FGF14: variants seen among roughly 807,000 people sequenced by gnomAD.
FGF14 encodes fibroblast growth factor homologous factor 4.
A neutral mutation model predicts 25.5 loss-of-function variants in FGF14; 5 were observed. That is an observed-to-expected ratio of 0.20 (90% CI 0.10 to 0.41). The LOEUF (loss-of-function observed/expected upper bound fraction) is 0.41. Ranked by LOEUF, FGF14 falls within the 10% of genes least tolerant of loss-of-function variation. FGF14 has a pLI of 1.00. For synonymous variants in FGF14, 138 were observed against 118.3 expected, an observed-to-expected ratio of 1.17 and a Z score of -1.08; for missense variants, 222 against 320.1, an observed-to-expected ratio of 0.69 and a Z score of 2.34.
intron 1 of FGF14, among the ~76,000 whole-genome samples, chr13:101,999,395 A>G (rs994466614): frequency 2.6e-5 from 4 of 152,128 alleles, no homozygotes; most frequent in African/African-American, 4.8e-5. Context: ...TCTGCTTTTC[A>G]TAGTCTCTTT....
intron 1 of FGF14, among the ~76,000 whole-genome samples, chr13:102,281,124 A>G: frequency 6.6e-6 from 1 of 152,202 alleles, no homozygotes; most frequent in East Asian, 1.9e-4. Flanking sequence ...GCCAAACATA[A>G]AATAATTTTA....
Position 101,874,706 on chromosome 13 carries a change from G to GT in FGF14, c.304+479dup, listed in dbSNP as rs1384837253. On this transcript the variant is annotated intron_variant, in intron 2 of 4. Transcript: ENST00000376143. ...CCTTTATGTTTTTTTCTATAAGAAA[G>GT]TTTTTTTTGTTAAATGCAAAGAATT... is the stretch of plus-strand genomic sequence containing the variant. Among the ~76,000 whole-genome samples, 56 of 151,812 alleles carry GT rather than the reference G, an allele frequency of 3.7e-4. No individual in the cohort carries two copies. The East Asian group carries it at 5.4e-3, about 15-fold the overall frequency.
At chr13:102,114,184 C>A (rs1312387064) in intron 1 of FGF14, among the ~76,000 whole-genome samples, 1 of 152,226 alleles carries the variant, frequency 6.6e-6, no homozygotes, top group African/African-American at 2.4e-5. Context: ...GGGCATTTTA[C>A]ATATACCTAT....
At chr13:101,885,000 G>C (rs1365637080) in intron 1 of FGF14, among the ~76,000 whole-genome samples, 1 of 152,096 alleles carries the variant, frequency 6.6e-6, no homozygotes, top group Non-Finnish European at 1.5e-5. Flanking sequence ...AGGAGAAAAG[G>C]AAACAGTTTC....
chr13:101,959,832 C>G (rs1329769414), intron 1 of FGF14, among the ~76,000 whole-genome samples: 1 of 152,300 alleles, frequency 6.6e-6, no homozygotes, highest in East Asian at 1.9e-4. Flanking sequence ...TTCATCCATC[C>G]TCTCCTTTCT....
intron 3 of FGF14, among the ~76,000 whole-genome samples, chr13:101,814,828 G>T (rs2041756917): frequency 6.6e-6 from 1 of 152,042 alleles, no homozygotes; most frequent in Non-Finnish European, 1.5e-5. Flanking sequence ...CCAGTGTTGG[G>T]CTTACTATGA....
rs35937411 is a variant in FGF14 at position 102,276,332 on chromosome 13, C to CGTGT, written c.208+125135_208+125138dup. Among the ~76,000 whole-genome samples the CGTGT allele has an allele frequency of 6.2e-3, 668 of 108,384 alleles. 7 individuals carry two copies. Among genetic ancestry groups the CGTGT allele is most frequent in the African/African-American group, 0.023 (613 of 27,104 alleles). 71.1% of individuals were successfully genotyped at this position (108,384 alleles called of 152,430 possible). On this transcript the variant is annotated intron_variant, in intron 1 of 4. Transcript: ENST00000376131. Reference sequence around the variant, plus strand: ...ACACACACACACACACACACACGTACGTGTGTGTGTGTGTGTGTGTGTATA... The same window carrying CGTGT: ...ACACACACACACACACACACACGTACGTGTGTGTGTGTGTGTGTGTGTGTGTATA...
At chr13:102,090,530 C>T (rs2044118303) in intron 1 of FGF14, among the ~76,000 whole-genome samples, 1 of 152,134 alleles carries the variant, frequency 6.6e-6, no homozygotes, top group South Asian at 2.1e-4. Context: ...GAAGCTCGAC[C>T]ACTGGTAACC....
intron 3 of FGF14, among the ~76,000 whole-genome samples, chr13:101,865,878 A>T (rs965307739): frequency 6.6e-6 from 1 of 152,136 alleles, no homozygotes; most frequent in Non-Finnish European, 1.5e-5. Flanking sequence ...TTAACTTTTT[A>T]AAAAATTAGG....
intron 3 of FGF14, among the ~76,000 whole-genome samples, chr13:101,740,126 A>C (rs1421651449): frequency 6.6e-6 from 1 of 152,184 alleles, no homozygotes; most frequent in Non-Finnish European, 1.5e-5. Context: ...TGAGCCCTTC[A>C]ACGGGACAGA....
chr13:102,149,241 G>A (rs1345671371), intron 1 of FGF14, among the ~76,000 whole-genome samples: 3 of 151,528 alleles, frequency 2.0e-5, no homozygotes, highest in Non-Finnish European at 2.9e-5. Flanking sequence ...TAAATGTTTG[G>A]AACACTCATT....
At chr13:101,856,264 AT>A (rs927626342) in intron 3 of FGF14, among the ~76,000 whole-genome samples, 3 of 151,844 alleles carry the variant, frequency 2.0e-5, no homozygotes, top group South Asian at 2.1e-4. Context: ...TTAAAAGTTG[AT>A]TTCTGTTATT....
intron 3 of FGF14, among the ~76,000 whole-genome samples, chr13:101,798,399 A>G (rs539303447): frequency 2.8e-4 from 42 of 152,284 alleles, no homozygotes; most frequent in Middle Eastern, 3.4e-3. Context: ...GCTGAAAACT[A>G]TCTTAACGAT....
At chr13:101,996,652 A>G (rs1320580538) in intron 1 of FGF14, among the ~76,000 whole-genome samples, 1 of 152,212 alleles carries the variant, frequency 6.6e-6, no homozygotes, top group African/African-American at 2.4e-5. Flanking sequence ...ACCATTGGGA[A>G]TTCATGTAGC....
At chr13:101,885,712 A>T (rs564530485) in intron 1 of FGF14, among the ~76,000 whole-genome samples, 1 of 151,944 alleles carries the variant, frequency 6.6e-6, no homozygotes, top group African/African-American at 2.4e-5. Flanking sequence ...AAAAAAAAAA[A>T]AAAAACTGCA....
chr13:101,901,375 A>G (rs920785363), intron 1 of FGF14, among the ~76,000 whole-genome samples: 7 of 152,114 alleles, frequency 4.6e-5, no homozygotes, highest in African/African-American at 1.7e-4. Flanking sequence ...ATTTGTTATC[A>G]AAGAGACCCC....
intron 1 of FGF14, among the ~76,000 whole-genome samples, chr13:102,286,706 T>C (rs186777731): frequency 6.6e-6 from 1 of 152,296 alleles, no homozygotes; most frequent in African/African-American, 2.4e-5. Flanking sequence ...CACTGTTGAG[T>C]CAGTAATTGT....
At chr13:102,342,674 C>A (rs2056987045) in intron 1 of FGF14, among the ~76,000 whole-genome samples, 2 of 151,928 alleles carry the variant, frequency 1.3e-5, no homozygotes, top group South Asian at 4.2e-4. Context: ...ATAACAGAAC[C>A]AATCTTAATA....
At chr13:101,966,473 T>G (rs369259300) in intron 1 of FGF14, among the ~76,000 whole-genome samples, 34 of 148,108 alleles carry the variant, frequency 2.3e-4, no homozygotes, top group African/African-American at 3.2e-4. Context: ...AATCTTGTGG[T>G]TTTTTTTGTT....
Sources: allele counts gnomAD v4.1 joint callset (sites outside exome capture counted in the v4.1 genomes callset), GRCh38; gene constraint gnomAD v4.1.1; transcripts MANE v1.5; gene names NCBI Gene and HGNC (gene_info 2026-07-23, HGNC 2026-07-21).